The following ARIH1 variants were observed in gnomAD, a reference collection of about 807,000 sequenced individuals.
The protein encoded by ARIH1 is ariadne RBR E3 ubiquitin protein ligase 1, also known as E3 ubiquitin-protein ligase ARIH1.
ARIH1 carries 8 observed loss-of-function variants against 85.0 expected under a neutral mutation model. The ratio of observed to expected loss-of-function variants is 0.09; its 90% CI spans 0.06 to 0.17. ARIH1 has a LOEUF of 0.17. Among genes scored for constraint, ARIH1 ranks in the 10% least tolerant of loss-of-function variants. The probability of loss-of-function intolerance (pLI) is 1.00; values close to 1 mark genes in which losing one functional copy is unlikely to be tolerated. For missense variants in ARIH1, 311 were observed against 718.1 expected, an observed-to-expected ratio of 0.43 and a Z score of 6.48; for synonymous variants, 238 against 253.6, an observed-to-expected ratio of 0.94 and a Z score of 0.59.
chr15:72,513,882 C>T lies in ARIH1; in HGVS notation c.376-4185C>T, dbSNP rs181266052. ...CCCTCCTTCCCTCTACCCCCCGCCC[C>T]GCCTCCGCCAAAGACAGAGTCTTGT... is the stretch of plus-strand genomic sequence containing the variant. On this transcript the variant is annotated intron_variant, in intron 1 of 13. Transcript: ENST00000379887. Among the ~76,000 whole-genome samples the T allele has an allele frequency of 5.8e-3, 795 of 138,034 alleles. 6 individuals are homozygous for T. Among genetic ancestry groups the T allele is most frequent in the African/African-American group, 0.021 (747 of 36,136 alleles). The allele number at this position is 138,034 out of a possible 152,430, so 90.6% of individuals were successfully genotyped here.
At chr15:72,498,243 G>T (rs202187446) in intron 1 of ARIH1, among the ~76,000 whole-genome samples, 1 of 151,106 alleles carries the variant, frequency 6.6e-6, no homozygotes, top group African/African-American at 2.5e-5. Flanking sequence ...CAACCAAAAT[G>T]TTTTTTTTTT....
In ARIH1 at chr15:72,595,517, C is replaced by T. The variant is rs2064360023; in HGVS notation, c.*12225C>T. ...TTTTGTTTTGAGACAGGGTCTCTGT[C>T]ACGCAGGCTGGAGTGTGGTGGCATG... On this transcript the variant is annotated 3_prime_UTR_variant, in exon 14 of 14. Transcript: ENST00000379887. 1 of 152,242 alleles carries T rather than the reference C, an allele frequency of 6.6e-6. No individual in the cohort carries two copies. The highest frequency in any genetic ancestry group is 1.5e-5 in the Non-Finnish European group (1 of 68,146). 9.4% of individuals were successfully genotyped at this position (152,242 alleles called of 1,614,324 possible).
At chr15:72,477,833 C>T (rs956916504) in intron 1 of ARIH1, among the ~76,000 whole-genome samples, 1 of 152,042 alleles carries the variant, frequency 6.6e-6, no homozygotes, top group African/African-American at 2.4e-5. Flanking sequence ...TTGGAGACAG[C>T]CTCACTCTGT....
At chr15:72,493,104 C>T (rs2063865988) in intron 1 of ARIH1, among the ~76,000 whole-genome samples, 1 of 152,112 alleles carries the variant, frequency 6.6e-6, no homozygotes, top group Non-Finnish European at 1.5e-5. Context: ...TCCAGAAGAC[C>T]TCTGATTTAG....
At position 72,555,901 on chromosome 15, in the gene ARIH1, C is replaced by A; in HGVS notation, c.731C>A (p.Thr244Lys). The change falls in exon 5 of 14, where the codon ACA becomes AAA. Residue 244 changes from threonine to lysine, a missense_variant. Thr to Lys is a moderately conservative substitution (Grantham distance 78). Coordinates refer to ENST00000379887, the MANE Select transcript of ARIH1 (RefSeq NM_005744.5). ...TGTGATATCTTAGTGGATGACAACA[C>A]AGTTATGTAAGTATTTTTGATAGAT... Reference protein sequence around the residue: ...HGCDILVDDNTVMRLITDSKV... With the variant: ...HGCDILVDDNKVMRLITDSKV... 1 of 1,611,656 alleles carries A rather than the reference C, an allele frequency of 6.2e-7. No individual in the cohort carries two copies. Among genetic ancestry groups the A allele is most frequent in the Non-Finnish European group, 8.5e-7 (1 of 1,178,114 alleles).
At chr15:72,483,017 T>C (rs1235643201) in intron 1 of ARIH1, among the ~76,000 whole-genome samples, 1 of 151,970 alleles carries the variant, frequency 6.6e-6, no homozygotes, top group East Asian at 1.9e-4. Flanking sequence ...TATTTTTTTG[T>C]TTTTGTGGGT....
At chr15:72,494,445 G>A (rs956124786) in intron 1 of ARIH1, among the ~76,000 whole-genome samples, 2 of 152,106 alleles carry the variant, frequency 1.3e-5, no homozygotes, top group African/African-American at 4.8e-5. Flanking sequence ...AGGAGGAAGA[G>A]GAATGGAAGA....
Position 72,529,957 on chromosome 15 carries a change from A to G in ARIH1, c.443+11823A>G, listed in dbSNP as rs2064048390. Among the ~76,000 whole-genome samples the G allele has an allele frequency of 4.6e-5, 7 of 152,314 alleles. 1 individual carries two copies. The South Asian group carries it at 1.4e-3, about 32-fold the overall frequency. ...CTTGAACGTTGTTTTATGGAGAAATAGTGATGGAAAAGCATTATTTCAGAA... is the reference window on the plus strand; with the variant it reads ...CTTGAACGTTGTTTTATGGAGAAATGGTGATGGAAAAGCATTATTTCAGAA... On this transcript the variant is annotated intron_variant, in intron 2 of 13. Coordinates refer to ENST00000379887, the MANE Select transcript of ARIH1 (RefSeq NM_005744.5).
rs1423875794 is a variant in ARIH1 at position 72,590,145 on chromosome 15, G to A, written c.*6853G>A. ...ACTGGCAGTACAGCAGTGAACAAAA[G>A]GTCTGTTGGTTTGTCTGAAGCTCTC... On this transcript the variant is annotated 3_prime_UTR_variant, in exon 14 of 14. Coordinates refer to ENST00000379887, the MANE Select transcript of ARIH1 (RefSeq NM_005744.5). The A allele has an allele frequency of 1.3e-5, 2 of 152,200 alleles. No homozygotes were observed. The highest frequency in any genetic ancestry group is 3.8e-4 in the East Asian group (2 of 5,198). 9.4% of individuals were successfully genotyped at this position (152,200 alleles called of 1,614,324 possible). A position where few individuals can be genotyped will look rare whatever the true frequency, so the allele number is the denominator to read the frequency against.
rs549586882 is a variant in ARIH1, at chr15:72,546,941, G to C, written c.588+1977G>C. ...TCTTTTCTTTTTTTTTGGAGGGGGG[G>C]GGGTGGGACGGAGTCTTGCTCTGTC... On this transcript the variant is annotated intron_variant, in intron 3 of 13. Transcript: ENST00000379887. Among the ~76,000 whole-genome samples, 45 of 145,336 alleles carry C rather than the reference G, an allele frequency of 3.1e-4. 2 individuals are homozygous for C. Among genetic ancestry groups the C allele is most frequent in the Admixed American group, 9.4e-4 (14 of 14,840 alleles).
At chr15:72,575,947 G>A (rs1277434109) in intron 11 of ARIH1, among the ~76,000 whole-genome samples, 2 of 152,112 alleles carry the variant, frequency 1.3e-5, no homozygotes, top group Admixed American at 6.5e-5. Flanking sequence ...GGGCCCAAGT[G>A]GTCCTCCTGC....
At chr15:72,528,930 GT>G (rs1356175023) in intron 2 of ARIH1, among the ~76,000 whole-genome samples, 16 of 152,330 alleles carry the variant, frequency 1.1e-4, no homozygotes, top group South Asian at 2.1e-4. Flanking sequence ...GCTGGGTGTG[GT>G]GGCTCATGCC....
chr15:72,585,526 T>C lies in ARIH1; in HGVS notation c.*2234T>C, dbSNP rs1364014122. ...AAATGCTTTGTGTATGTGTGGTGTT[T>C]AAAAAAAAAAAATCTTACCAGTTAA... On this transcript the variant is annotated 3_prime_UTR_variant, in exon 14 of 14. Transcript: ENST00000379887. 1.4e-5 allele frequency: 2 copies of C among 147,600 alleles called. No individual in the cohort carries two copies. Among genetic ancestry groups the C allele is most frequent in the African/African-American group, 2.5e-5 (1 of 40,400 alleles). The allele number at this position is 147,600 out of a possible 1,614,324, so 9.1% of individuals were successfully genotyped here. A position where few individuals can be genotyped will look rare whatever the true frequency, so the allele number is the denominator to read the frequency against.
At chr15:72,477,082 A>AT (rs1156408435) in intron 1 of ARIH1, among the ~76,000 whole-genome samples, 1 of 152,174 alleles carries the variant, frequency 6.6e-6, no homozygotes, top group Non-Finnish European at 1.5e-5. Flanking sequence ...GAATTTGCTC[A>AT]TTTTCAATGC....
intron 1 of ARIH1, among the ~76,000 whole-genome samples, chr15:72,503,077 G>A (rs2063910278): frequency 6.6e-6 from 1 of 152,160 alleles, no homozygotes; most frequent in Admixed American, 6.5e-5. Context: ...CCCACTAGGT[G>A]CTTCTCTGTC....
intron 3 of ARIH1, among the ~76,000 whole-genome samples, chr15:72,547,272 G>T (rs1482816979): frequency 2.0e-5 from 3 of 149,112 alleles, no homozygotes; most frequent in Non-Finnish European, 3.0e-5. Context: ...TGCTCTTGTT[G>T]CCCAGACTGG....
At chr15:72,545,807 C>A (rs569381459) in intron 3 of ARIH1, among the ~76,000 whole-genome samples, 1 of 152,148 alleles carries the variant, frequency 6.6e-6, no homozygotes, top group Non-Finnish European at 1.5e-5. Context: ...CCAGCCTGGG[C>A]GACAGAGTGA....
chr15:72,555,224 T>C (rs2064169975), intron 3 of ARIH1, 47 bp from the exon 4 acceptor site: 7 of 1,435,318 alleles, frequency 4.9e-6, no homozygotes, highest in Non-Finnish European at 6.9e-6. Context: ...TTATAGTGAG[T>C]TTTCTGATAA....
At position 72,518,905 on chromosome 15, in the gene ARIH1, C is replaced by G. The variant is rs1441522089; in HGVS notation, c.443+771C>G. Among the ~76,000 whole-genome samples the G allele has an allele frequency of 2.6e-5, 4 of 152,162 alleles. No homozygotes were observed. The East Asian group carries it at 7.7e-4, about 29-fold the overall frequency. On this transcript the variant is annotated intron_variant, in intron 2 of 13. Coordinates refer to ENST00000379887, the MANE Select transcript of ARIH1 (RefSeq NM_005744.5). Reference sequence around the variant, plus strand: ...GCTTTTCTGGCCACCAGACCAGGTGCTTGGACTGGTTCTCTGGTTTCAGGG... The same window carrying G: ...GCTTTTCTGGCCACCAGACCAGGTGGTTGGACTGGTTCTCTGGTTTCAGGG...
Sources: gnomAD v4.1 joint callset for allele counts (sites outside exome capture counted in the v4.1 genomes callset) on GRCh38, gnomAD v4.1.1 for gene constraint, MANE v1.5 for transcripts, NCBI Gene and HGNC (gene_info 2026-07-23, HGNC 2026-07-21) for gene names.